The following PLA2G4C variants were observed in gnomAD, a reference collection of about 807,000 sequenced individuals.
PLA2G4C encodes cytosolic phospholipase A2 gamma.
A neutral mutation model predicts 73.8 loss-of-function variants in PLA2G4C; 64 were observed. The ratio of observed to expected loss-of-function variants is 0.87; its 90% CI spans 0.71 to 1.07. The LOEUF (loss-of-function observed/expected upper bound fraction) is 1.07, where lower values mean the gene tolerates loss of function less well. PLA2G4C is among the 50% of genes least tolerant of loss of function. The probability of loss-of-function intolerance (pLI) is 0.00; values close to 1 mark genes in which losing one functional copy is unlikely to be tolerated. For missense variants in PLA2G4C, 622 were observed against 665.4 expected, an observed-to-expected ratio of 0.93 and a Z score of 0.72; for synonymous variants, 254 against 252.1, an observed-to-expected ratio of 1.01 and a Z score of -0.07.
chr19:48,049,374 C>G lies in PLA2G4C; in HGVS notation c.1581-986G>C, dbSNP rs563951304. 2.4e-3 allele frequency among the ~76,000 whole-genome samples: 370 copies of G among 152,268 alleles called. 2 individuals are homozygous for G. Among genetic ancestry groups the G allele is most frequent in the African/African-American group, 8.7e-3 (363 of 41,564 alleles). On this transcript the variant is annotated intron_variant, in intron 16 of 16. Coordinates refer to ENST00000599921, the MANE Select transcript of PLA2G4C (RefSeq NM_003706.3). ...CTCCCTCAGGATGCCTTCCCAGACC[C>G]CCAGACCCTTTCCTAAAAAGCTTTC...
chr19:48,090,806 C>T (rs1186328795), intron 7 of PLA2G4C, among the ~76,000 whole-genome samples: 1 of 152,126 alleles, frequency 6.6e-6, no homozygotes, highest in Non-Finnish European at 1.5e-5. Flanking sequence ...GGTCCATGCA[C>T]ACTGCTGGGG....
chr19:48,067,438 G>A (rs1968474925), intron 13 of PLA2G4C, among the ~76,000 whole-genome samples: 1 of 152,182 alleles, frequency 6.6e-6, no homozygotes, highest in African/African-American at 2.4e-5. Flanking sequence ...AAAGTGCTGG[G>A]ATTACAGGCA....
intron 12 of PLA2G4C, among the ~76,000 whole-genome samples, chr19:48,069,044 CAAA>C (rs11350634): frequency 0.27 from 30,775 of 112,924 alleles, 4,056 homozygotes; most frequent in East Asian, 0.55. Flanking sequence ...AACCCCATCT[CAAA>C]AAAAAAAAAA....
At chr19:48,065,078 G>A (rs962824301) in intron 13 of PLA2G4C, 1 of 152,158 alleles carries the variant, frequency 6.6e-6, no homozygotes, top group African/African-American at 2.4e-5. Context: ...CCAAATGTGA[G>A]TGACCAATGG....
intron 7 of PLA2G4C, among the ~76,000 whole-genome samples, chr19:48,092,705 T>A (rs1326430898): frequency 6.6e-6 from 1 of 151,998 alleles, no homozygotes; most frequent in African/African-American, 2.4e-5. Flanking sequence ...CTCAGAGTAG[T>A]CAAAATCGTA....
intron 16 of PLA2G4C, 91 bp downstream of exon 16, chr19:48,052,906 T>C: frequency 1.4e-6 from 2 of 1,399,402 alleles, no homozygotes; most frequent in African/African-American, 1.4e-5. Flanking sequence ...TTTTCACCCA[T>C]GCAACCCTCC....
In PLA2G4C at chr19:48,105,452, G is replaced by T. The variant is rs775412541; in HGVS notation, c.9-8C>A. On this transcript the variant is annotated splice_polypyrimidine_tract_variant and splice_region_variant and intron_variant, in intron 2 of 16. Transcript: ENST00000599921. The stretch of plus-strand genomic sequence containing the variant: ...ATTATGGAAACTTCAGAGCTTCCCA[G>T]GAGAAAACACAAAGAAGTCCAGAAA... 7 of 1,600,798 alleles carry T rather than the reference G, an allele frequency of 4.4e-6. No homozygotes were observed. The highest frequency in any genetic ancestry group is 6.0e-6 in the Non-Finnish European group (7 of 1,170,048).
chr19:48,067,702 TG>T, intron 13 of PLA2G4C, 88 bp downstream of exon 13: 1 of 874,402 alleles, frequency 1.1e-6, no homozygotes, highest in Non-Finnish European at 1.9e-6. Flanking sequence ...AGGACCAGCC[TG>T]GGATTGTTTC....
At chr19:48,085,947 G>A (rs1257348370) in intron 9 of PLA2G4C, among the ~76,000 whole-genome samples, 2 of 152,174 alleles carry the variant, frequency 1.3e-5, no homozygotes, top group African/African-American at 4.8e-5. Flanking sequence ...TATGGACCCA[G>A]GGAAGCCATT....
At chr19:48,071,605 T>A (rs1427059026) in intron 12 of PLA2G4C, among the ~76,000 whole-genome samples, 1 of 151,754 alleles carries the variant, frequency 6.6e-6, no homozygotes, top group Non-Finnish European at 1.5e-5. Flanking sequence ...CCATTCTATC[T>A]TATATTTTTA....
At chr19:48,067,764 A>T (rs770401762) in intron 13 of PLA2G4C, 27 bp downstream of exon 13, 14 of 1,447,200 alleles carry the variant, frequency 9.7e-6, no homozygotes, top group Non-Finnish European at 1.3e-5. Flanking sequence ...AGGACAGACC[A>T]GGGCGGTGGG....
At chr19:48,103,244 C>T (rs1276128250) in intron 4 of PLA2G4C, among the ~76,000 whole-genome samples, 2 of 152,200 alleles carry the variant, frequency 1.3e-5, no homozygotes, top group Non-Finnish European at 2.9e-5. Context: ...ATCTCAATAG[C>T]GCCCCCTGGA....
intron 13 of PLA2G4C, chr19:48,063,962 A>T (rs913244200): frequency 6.6e-6 from 1 of 152,086 alleles, no homozygotes; most frequent in Non-Finnish European, 1.5e-5. Flanking sequence ...GTCTGTTAAG[A>T]AAGCAAAGGG....
intron 9 of PLA2G4C, among the ~76,000 whole-genome samples, 170 bp downstream of exon 9, chr19:48,088,516 C>T (rs2031110658): frequency 6.6e-6 from 1 of 152,132 alleles, no homozygotes; most frequent in Admixed American, 6.6e-5. Context: ...ATCACACTAC[C>T]TCTCCAGCAA....
chr19:48,090,472 T>C (rs387263), intron 7 of PLA2G4C, 55 bp from the exon 8 acceptor site: 55,009 of 1,305,592 alleles, frequency 0.042, 3,064 homozygotes, highest in African/African-American at 0.25. Context: ...GACTGTCATG[T>C]TTGATATTCA....
At chr19:48,099,990 G>T (rs932101684) in intron 4 of PLA2G4C, 130 bp from the exon 5 acceptor site, 1 of 568,322 alleles carries the variant, frequency 1.8e-6, no homozygotes. Flanking sequence ...CAGAGGAAAC[G>T]GAAAATTTCC....
intron 16 of PLA2G4C, among the ~76,000 whole-genome samples, chr19:48,050,673 C>CTTTTTTATTTTTTT (rs1967690977): frequency 1.3e-5 from 1 of 78,746 alleles, no homozygotes; most frequent in Non-Finnish European, 2.4e-5. Flanking sequence ...GAGTATGTGA[C>CTTTTTTATTTTTTT]TTTTTTTTTT....
At chr19:48,082,488 CTTTCTTTCTT>C (rs2030642746) in intron 10 of PLA2G4C, among the ~76,000 whole-genome samples, 1 of 103,612 alleles carries the variant, frequency 9.7e-6, no homozygotes, top group African/African-American at 3.2e-5. Context: ...CTTTTTCTTT[CTTTCTTTCTT>C]TTTTTTTTTT....
intron 14 of PLA2G4C, among the ~76,000 whole-genome samples, chr19:48,060,230 T>C (rs577456427): frequency 6.6e-6 from 1 of 152,264 alleles, no homozygotes; most frequent in South Asian, 2.1e-4. Context: ...TGGAGAGCCC[T>C]GCCTAGTATG....
Sources: gnomAD v4.1 joint callset for allele counts (sites outside exome capture counted in the v4.1 genomes callset) on GRCh38, gnomAD v4.1.1 for gene constraint, MANE v1.5 for transcripts, NCBI Gene and HGNC (gene_info 2026-07-23, HGNC 2026-07-21) for gene names.